Variants in ASZ1 observed in about 807,000 individuals in gnomAD.
The protein encoded by ASZ1 is ankyrin repeat, SAM and basic leucine zipper domain containing 1.
ASZ1 carries 67 observed loss-of-function variants against 61.8 expected under a neutral mutation model. That is an observed-to-expected ratio of 1.08 (90% CI 0.89 to 1.33). ASZ1 has a LOEUF of 1.33. Among genes scored for constraint, ASZ1 ranks in the 40% most tolerant of loss-of-function variants. The probability of loss-of-function intolerance (pLI) is 0.00; values close to 1 mark genes in which losing one functional copy is unlikely to be tolerated. For synonymous variants in ASZ1, 193 were observed against 192.7 expected (o/e 1.00, Z -0.01); for missense variants, 577 against 554.5 (o/e 1.04, Z -0.41).
At chr7:117,375,835 T>C (rs1796125949) in intron 10 of ASZ1, among the ~76,000 whole-genome samples, 1 of 151,974 alleles carries the variant, frequency 6.6e-6, no homozygotes, top group Admixed American at 6.6e-5. Context: ...AAAGCAGTGC[T>C]GAGAGGGAAA....
intron 12 of ASZ1, 92 bp downstream of exon 12, chr7:117,367,260 T>C: frequency 1.0e-6 from 1 of 957,386 alleles, no homozygotes; most frequent in Non-Finnish European, 1.4e-6. Context: ...GTTCCATTTG[T>C]TGCTCTTACC....
At chr7:117,420,312 A>G (rs978925534) in intron 3 of ASZ1, 38 bp from the exon 4 acceptor site, 1 of 1,420,378 alleles carries the variant, frequency 7.0e-7, no homozygotes, top group Non-Finnish European at 9.9e-7. Context: ...ATCCCCATAC[A>G]TCAAGAGCAT....
At chr7:117,423,446 T>C (rs975891370) in intron 2 of ASZ1, among the ~76,000 whole-genome samples, 3 of 152,110 alleles carry the variant, frequency 2.0e-5, no homozygotes, top group African/African-American at 7.2e-5. Context: ...ACTGCTTTGA[T>C]TGAAAGCTTA....
intron 2 of ASZ1, among the ~76,000 whole-genome samples, chr7:117,422,684 G>A (rs1274473796): frequency 3.3e-5 from 5 of 152,000 alleles, no homozygotes; most frequent in Non-Finnish European, 7.4e-5. Context: ...GTTTCACAGA[G>A]GTAAAATGTC....
chr7:117,407,922 G>C (rs372302708), intron 4 of ASZ1, among the ~76,000 whole-genome samples: 2 of 152,168 alleles, frequency 1.3e-5, no homozygotes, highest in South Asian at 2.1e-4. Context: ...AGTGTGTATA[G>C]AGTCTTCGTC....
At chr7:117,413,973 AC>A (rs1796943370) in intron 4 of ASZ1, among the ~76,000 whole-genome samples, 1 of 152,148 alleles carries the variant, frequency 6.6e-6, no homozygotes, top group Non-Finnish European at 1.5e-5. Flanking sequence ...TATTTTAACA[AC>A]AGATTAGAAG....
intron 6 of ASZ1, among the ~76,000 whole-genome samples, chr7:117,383,744 TC>T (rs1392750120): frequency 6.6e-6 from 1 of 152,050 alleles, no homozygotes; most frequent in East Asian, 1.9e-4. Flanking sequence ...CCTTTGATGT[TC>T]ATAAACTTCT....
chr7:117,388,779 T>C (rs555447502), intron 4 of ASZ1, among the ~76,000 whole-genome samples: 283 of 152,218 alleles, frequency 1.9e-3, no homozygotes, highest in Non-Finnish European at 2.9e-3. Context: ...TTGGAAGTTC[T>C]AGCCAGCGGA....
intron 10 of ASZ1, among the ~76,000 whole-genome samples, chr7:117,379,380 T>A (rs994010167): frequency 2.6e-5 from 4 of 151,636 alleles, no homozygotes; most frequent in East Asian, 1.9e-4. Flanking sequence ...AAAAAATTTT[T>A]AAAAATCATT....
chr7:117,409,855 G>C (rs1796858693), intron 4 of ASZ1, among the ~76,000 whole-genome samples: 1 of 151,688 alleles, frequency 6.6e-6, no homozygotes. Context: ...CCTAGAAAAT[G>C]CATGTTTAAC....
intron 5 of ASZ1, among the ~76,000 whole-genome samples, chr7:117,385,446 A>C (rs1796335156): frequency 2.0e-5 from 3 of 151,930 alleles, no homozygotes; most frequent in African/African-American, 7.3e-5. Flanking sequence ...TTTTTAGTAG[A>C]GACAGGGTTT....
intron 3 of ASZ1, among the ~76,000 whole-genome samples, chr7:117,421,704 T>G (rs1244865317): frequency 6.6e-6 from 1 of 152,164 alleles, no homozygotes; most frequent in Non-Finnish European, 1.5e-5. Context: ...GAAGAAAATT[T>G]AATTGTCTAT....
rs924792015 is a variant in ASZ1, at chr7:117,420,329, G to C, written c.329-55C>G. On this transcript the variant is annotated intron_variant, in intron 3 of 12. Transcript: ENST00000284629. Reference sequence around the variant, plus strand: ...CCCCATACATCAAGAGCATCTATTCGATGTCTTTACCACTCAAAACATTCT... The same window carrying C: ...CCCCATACATCAAGAGCATCTATTCCATGTCTTTACCACTCAAAACATTCT... The C allele has an allele frequency of 2.3e-6, 3 of 1,283,134 alleles. No individual in the cohort carries two copies. The Admixed American group carries it at 5.5e-5, about 24-fold the overall frequency. 79.5% of individuals were successfully genotyped at this position (1,283,134 alleles called of 1,614,324 possible). A position where few individuals can be genotyped will look rare whatever the true frequency, so the allele number is the denominator to read the frequency against.
chr7:117,370,849 T>TGA (rs1554359895), intron 10 of ASZ1, among the ~76,000 whole-genome samples: 9 of 147,474 alleles, frequency 6.1e-5, no homozygotes, highest in South Asian at 2.2e-4. Context: ...TGTGTGTGTG[T>TGA]GACAGAGTCT....
At chr7:117,389,676 A>C (rs1286396436) in intron 4 of ASZ1, among the ~76,000 whole-genome samples, 1 of 152,146 alleles carries the variant, frequency 6.6e-6, no homozygotes, top group Non-Finnish European at 1.5e-5. Flanking sequence ...CATTGAAACA[A>C]GTCATGCAGA....
intron 4 of ASZ1, among the ~76,000 whole-genome samples, 192 bp from the exon 5 acceptor site, chr7:117,386,001 A>G (rs1796348861): frequency 1.3e-5 from 2 of 152,212 alleles, no homozygotes; most frequent in South Asian, 4.1e-4. Context: ...TGACACTTTT[A>G]AAGTGCTGAA....
intron 4 of ASZ1, among the ~76,000 whole-genome samples, chr7:117,413,899 C>T (rs994353829): frequency 2.0e-5 from 3 of 151,846 alleles, no homozygotes; most frequent in African/African-American, 7.3e-5. Context: ...ATAATTTGGA[C>T]CAAAATTGTG....
At chr7:117,399,539 C>A (rs1796638948) in intron 4 of ASZ1, among the ~76,000 whole-genome samples, 1 of 152,168 alleles carries the variant, frequency 6.6e-6, no homozygotes, top group African/African-American at 2.4e-5. Context: ...GTAACAGAAA[C>A]CAATTTTAAA....
chr7:117,426,488 C>CAAAAAAAAAAAAAAAAAAAAAA (rs10625452), intron 2 of ASZ1, among the ~76,000 whole-genome samples: 8 of 34,012 alleles, frequency 2.4e-4, no homozygotes, highest in African/African-American at 7.7e-4. Flanking sequence ...GATAACATCT[C>CAAAAAAAAAAAAAAAAAAAAAA]AAAAAAAAAA....
Sources: allele counts gnomAD v4.1 joint callset (sites outside exome capture counted in the v4.1 genomes callset), GRCh38; gene constraint gnomAD v4.1.1; transcripts MANE v1.5; gene names NCBI Gene and HGNC (gene_info 2026-07-23, HGNC 2026-07-21).